ZNF585B: variants seen among roughly 807,000 people sequenced by gnomAD.
The protein encoded by ZNF585B is zinc finger protein 41-like protein.
Under a neutral mutation model 14.0 loss-of-function variants are expected in ZNF585B, and 7 were observed. The observed-to-expected ratio is 0.50, with a 90% CI of 0.28 to 0.94. ZNF585B has a LOEUF of 0.94. ZNF585B is among the 40% of genes least tolerant of loss of function. The pLI is 0.09. For synonymous variants in ZNF585B, 290 were observed against 317.3 expected, an observed-to-expected ratio of 0.91 and a Z score of 0.91; for missense variants, 750 against 924.4, an observed-to-expected ratio of 0.81 and a Z score of 2.45.
Position 37,185,102 on chromosome 19 carries a change from A to C in ZNF585B, c.*125T>G. ...CCTTCTCAGAGGCCCTCTCCAGAAC[A>C]GCCATGTGTGACATTCTGATGTGGT... On this transcript the variant is annotated 3_prime_UTR_variant, in exon 5 of 5. Coordinates refer to ENST00000532828, the MANE Select transcript of ZNF585B (RefSeq NM_152279.4). The C allele has an allele frequency of 7.7e-7, 1 of 1,300,862 alleles. No individual in the cohort carries two copies. Among genetic ancestry groups the C allele is most frequent in the Non-Finnish European group, 1.0e-6 (1 of 959,422 alleles). 80.6% of individuals were successfully genotyped at this position (1,300,862 alleles called of 1,614,324 possible).
At position 37,186,314 on chromosome 19, in the gene ZNF585B, T is replaced by C. The variant is rs750913603; in HGVS notation, c.1223A>G (p.Lys408Arg). The C allele has an allele frequency of 6.2e-7, 1 of 1,614,034 alleles. No homozygotes were observed. The highest frequency in any genetic ancestry group is 8.5e-7 in the Non-Finnish European group (1 of 1,179,942). Residue 408 changes from lysine to arginine, a missense_variant, in exon 5 of 5, where the codon AAA (lysine) becomes AGA (arginine). By Grantham distance (26) the Lys-to-Arg change is conservative. This residue lies in a region of ZNF585B where 517 missense variants were observed against 570.3 expected (regional missense o/e 0.91). Coordinates refer to ENST00000532828, the MANE Select transcript of ZNF585B (RefSeq NM_152279.4). ...TCCACATTTCATGCATATATACGAT[T>C]TTTCTCCTGTATGAATTCTCTGATG... is the stretch of plus-strand genomic sequence containing the variant. ...TVHQRIHTGE[K>R]SYICMKCGLA...
Position 37,186,088 on chromosome 19 carries a change from T to A in ZNF585B, c.1449A>T (p.Thr483=). The A allele has an allele frequency of 6.2e-7, 1 of 1,614,092 alleles. No individual in the cohort carries two copies. The highest frequency in any genetic ancestry group is 8.5e-7 in the Non-Finnish European group (1 of 1,180,006). Residue 483 remains threonine, a synonymous_variant, in exon 5 of 5, where the codon ACA becomes ACT. Coordinates refer to ENST00000532828, the MANE Select transcript of ZNF585B (RefSeq NM_152279.4). ...TCTCTCCTGTATGAGTTTTCTGATG[T>A]GTAATGAGATTTGACCGGTTGGTGA... ...KAFTNRSNLI[T]HQKTHTGEKS...
chr19:37,187,392 G>A (rs1479267364), intron 4 of ZNF585B, 148 bp from the exon 5 acceptor site: 3 of 605,634 alleles, frequency 5.0e-6, no homozygotes, highest in Non-Finnish European at 5.5e-6. Context: ...CACTGATAGG[G>A]TTTTTAGGGG....
chr19:37,189,065 G>C (rs1056682506), intron 4 of ZNF585B, among the ~76,000 whole-genome samples: 1 of 151,846 alleles, frequency 6.6e-6, no homozygotes, highest in African/African-American at 2.4e-5. Context: ...ACCCTCCCAA[G>C]TAACTGGGAT....
rs1031852124 is a variant in ZNF585B at position 37,182,039 on chromosome 19, C to A, written c.*3188G>T. 6.6e-6 allele frequency: 1 copy of A among 152,074 alleles called. No homozygotes were observed. Among genetic ancestry groups the A allele is most frequent in the Non-Finnish European group, 1.5e-5 (1 of 68,022 alleles). The allele number at this position is 152,074 out of a possible 1,614,324, so 9.4% of individuals were successfully genotyped here. A position where few individuals can be genotyped will look rare whatever the true frequency, so the allele number is the denominator to read the frequency against. ...TTCATCAATTGTAACAAATGTACCA[C>A]TCTGAAGGGGGATGTTGATGATGGG... On this transcript the variant is annotated 3_prime_UTR_variant, in exon 5 of 5. Coordinates refer to ENST00000532828, the MANE Select transcript of ZNF585B (RefSeq NM_152279.4).
chr19:37,182,242 T>C lies in ZNF585B; in HGVS notation c.*2985A>G, dbSNP rs1972274416. The C allele has an allele frequency of 6.6e-6, 1 of 152,182 alleles. No homozygotes were observed. Among genetic ancestry groups the C allele is most frequent in the Non-Finnish European group, 1.5e-5 (1 of 68,036 alleles). 9.4% of individuals were successfully genotyped at this position (152,182 alleles called of 1,614,324 possible). A position where few individuals can be genotyped will look rare whatever the true frequency, so the allele number is the denominator to read the frequency against. On this transcript the variant is annotated 3_prime_UTR_variant, in exon 5 of 5. Transcript: ENST00000532828. Reference sequence around the variant, plus strand: ...TACAATAAATATAAAGGAGAAATTATTGAAAGTCATGTACAGTGAAATGTG... The same window carrying C: ...TACAATAAATATAAAGGAGAAATTACTGAAAGTCATGTACAGTGAAATGTG...
In ZNF585B at chr19:37,186,215, C is replaced by A; in HGVS notation, c.1322G>T (p.Gly441Val). ...GGAAGTAAACAATTTCCCACAGTGA[C>A]CACATTTATAAGGTTTCTCTCCAGT... ...IHTGEKPYKCGHCGKLFTSKS... is the reference protein window; with the variant it reads ...IHTGEKPYKCVHCGKLFTSKS... Residue 441 changes from glycine (G) to valine (V), a missense_variant, in exon 5 of 5, where the codon GGT becomes GTT. Coordinates refer to ENST00000532828, the MANE Select transcript of ZNF585B (RefSeq NM_152279.4). 1 of 1,614,060 alleles carries A rather than the reference C, an allele frequency of 6.2e-7. No homozygotes were observed. Among genetic ancestry groups the A allele is most frequent in the East Asian group, 2.2e-5 (1 of 44,860 alleles).
Position 37,186,645 on chromosome 19 carries a change from A to G in ZNF585B, c.892T>C (p.Tyr298His). The change falls in exon 5 of 5, where the codon TAT (tyrosine) becomes CAT (histidine). Residue 298 changes from tyrosine (Y) to histidine (H), a missense_variant. By Grantham distance (83) the Tyr-to-His change is moderately conservative. This residue lies in a region of ZNF585B where 517 missense variants were observed against 570.3 expected (regional missense o/e 0.91). Coordinates refer to ENST00000532828, the MANE Select transcript of ZNF585B (RefSeq NM_152279.4). The part of the protein sequence containing the change: ...HRRIHSGEKP[Y>H]ECNNCGKSFI... Reference sequence around the variant, plus strand: ...GATTTGCCACAGTTATTGCATTCATATGGTTTTTCTCCACTATGAATTCTT... The same window carrying G: ...GATTTGCCACAGTTATTGCATTCATGTGGTTTTTCTCCACTATGAATTCTT... 3 of 1,614,202 alleles carry G rather than the reference A, an allele frequency of 1.9e-6. No individual in the cohort carries two copies. Among genetic ancestry groups the G allele is most frequent in the Non-Finnish European group, 2.5e-6 (3 of 1,180,020 alleles).
Position 37,207,220 on chromosome 19 carries a change from T to C in ZNF585B, c.-109A>G. 1 of 1,552,110 alleles carries C rather than the reference T, an allele frequency of 6.4e-7. No individual in the cohort carries two copies. Among genetic ancestry groups the C allele is most frequent in the African/African-American group, 1.4e-5 (1 of 73,874 alleles). On this transcript the variant is annotated 5_prime_UTR_variant, in exon 2 of 5. Transcript: ENST00000532828. ...AGGTGGGCTGGAGTCTGGAGGAAGG[T>C]CTGGCCCAGGGACTCCCCAGAGACA...
intron 2 of ZNF585B, among the ~76,000 whole-genome samples, chr19:37,201,507 T>A (rs1446493493): frequency 6.6e-6 from 1 of 152,224 alleles, no homozygotes; most frequent in African/African-American, 2.4e-5. Flanking sequence ...ATCTTATTGC[T>A]AAGATATCAA....
intron 1 of ZNF585B, among the ~76,000 whole-genome samples, chr19:37,209,286 G>A (rs896380092): frequency 6.6e-6 from 1 of 151,886 alleles, no homozygotes; most frequent in African/African-American, 2.4e-5. Flanking sequence ...TGTATTTTTG[G>A]TTAGAGGTGT....
intron 2 of ZNF585B, 71 bp from the exon 3 acceptor site, chr19:37,190,221 C>T (rs993644690): frequency 1.1e-5 from 18 of 1,578,740 alleles, no homozygotes; most frequent in South Asian, 2.3e-5. Context: ...TATGGGATTA[C>T]GGAACATGGG....
rs1972315807 is a variant in ZNF585B, at chr19:37,184,985, A to C, written c.*242T>G. The C allele has an allele frequency of 2.2e-6, 1 of 458,716 alleles. No homozygotes were observed. The highest frequency in any genetic ancestry group is 3.7e-5 in the Admixed American group (1 of 26,764). 28.4% of individuals were successfully genotyped at this position (458,716 alleles called of 1,614,324 possible). ...CATGAGAAGGCTTTTCCTATTCACC[A>C]AATTGACTCGGTTCCTTGTCAGTAT... On this transcript the variant is annotated 3_prime_UTR_variant, in exon 5 of 5. Transcript: ENST00000532828.
At chr19:37,193,620 T>C (rs148185939) in intron 2 of ZNF585B, among the ~76,000 whole-genome samples, 2 of 151,178 alleles carry the variant, frequency 1.3e-5, no homozygotes, top group Non-Finnish European at 2.9e-5. Context: ...CCTAAAAAAA[T>C]ACCAAAAAAA....
At chr19:37,191,363 A>G (rs1051848184) in intron 2 of ZNF585B, among the ~76,000 whole-genome samples, 1 of 152,118 alleles carries the variant, frequency 6.6e-6, no homozygotes, top group Non-Finnish European at 1.5e-5. Context: ...CATGCTTGTA[A>G]TCCAAGCACT....
At chr19:37,199,001 G>A in intron 2 of ZNF585B, 1 of 1,531,054 alleles carries the variant, frequency 6.5e-7, no homozygotes, top group Non-Finnish European at 8.7e-7. Flanking sequence ...GATGCATATT[G>A]ATTGTGCTTA....
rs1351185597 is a variant in ZNF585B, at chr19:37,182,253, G to C, written c.*2974C>G. 1.3e-5 allele frequency: 2 copies of C among 152,156 alleles called. No homozygotes were observed. Among genetic ancestry groups the C allele is most frequent in the African/African-American group, 4.8e-5 (2 of 41,428 alleles). 9.4% of individuals were successfully genotyped at this position (152,156 alleles called of 1,614,324 possible). A position where few individuals can be genotyped will look rare whatever the true frequency, so the allele number is the denominator to read the frequency against. On this transcript the variant is annotated 3_prime_UTR_variant, in exon 5 of 5. Coordinates refer to ENST00000532828, the MANE Select transcript of ZNF585B (RefSeq NM_152279.4). ...TAAAGGAGAAATTATTGAAAGTCATGTACAGTGAAATGTGTTTTCCTCCAT... is the reference window on the plus strand; with the variant it reads ...TAAAGGAGAAATTATTGAAAGTCATCTACAGTGAAATGTGTTTTCCTCCAT...
At chr19:37,191,280 G>A (rs993210835) in intron 2 of ZNF585B, among the ~76,000 whole-genome samples, 4 of 152,120 alleles carry the variant, frequency 2.6e-5, no homozygotes, top group African/African-American at 9.7e-5. Flanking sequence ...TAAATATCCA[G>A]TTTTAGCTGG....
At chr19:37,206,769 G>A (rs560593785) in intron 2 of ZNF585B, among the ~76,000 whole-genome samples, 17 of 152,290 alleles carry the variant, frequency 1.1e-4, no homozygotes, top group African/African-American at 4.1e-4. Context: ...TCTATTTGCA[G>A]CCAAAACATC....
Sources: allele counts gnomAD v4.1 joint callset (sites outside exome capture counted in the v4.1 genomes callset), GRCh38; gene constraint gnomAD v4.1.1; regional missense constraint gnomAD v4.1.1; transcripts MANE v1.5; gene names NCBI Gene and HGNC (gene_info 2026-07-23, HGNC 2026-07-21).